PYROXD1: variants seen among roughly 807,000 people sequenced by gnomAD.
The protein encoded by PYROXD1 is tRNA ligase complex-associated NAD(P)H dehydrogenase PYROXD1.
In PYROXD1, 42 loss-of-function variants were observed where a neutral mutation model predicts 62.0. The ratio of observed to expected loss-of-function variants is 0.68; its 90% CI spans 0.53 to 0.88. The LOEUF (loss-of-function observed/expected upper bound fraction) is 0.88. Ranked by LOEUF, PYROXD1 falls within the 40% of genes least tolerant of loss-of-function variation. The probability of loss-of-function intolerance (pLI) is 0.00; values close to 1 mark genes in which losing one functional copy is unlikely to be tolerated. For missense variants in PYROXD1, 493 were observed against 604.8 expected (o/e 0.82, Z 1.94); for synonymous variants, 170 against 206.4 (o/e 0.82, Z 1.51).
In PYROXD1 at chr12:21,468,690, A is replaced by AG. The variant is rs774065871; in HGVS notation, c.1439_1440insG (p.Asn480LysfsTer15). On this transcript the variant is annotated frameshift_variant, in exon 12 of 12. Coordinates refer to ENST00000240651, the MANE Select transcript of PYROXD1 (RefSeq NM_024854.5). LOFTEE classifies it high-confidence loss of function. ...GAAAACCTAATCTTAAACCAAATGA[A>AG]TCTTTCATCATATGGAGAAGATCTG... is the stretch of plus-strand genomic sequence containing the variant. 1.2e-6 allele frequency: 2 copies of AG among 1,611,020 alleles called. No individual in the cohort carries two copies. Among genetic ancestry groups the AG allele is most frequent in the African/African-American group, 2.7e-5 (2 of 74,838 alleles).
In PYROXD1 at chr12:21,456,059, T is replaced by C. The variant is rs201039677; in HGVS notation, c.714T>C (p.Asp238=). ...ATGTAGGAAGTGCATTGGGACCAGA[T>C]TGGCATGAAGGCTTGAATCTTAAAG... ...ADNVGSALGP[D]WHEGLNLKGT... The change falls in exon 7 of 12, where the codon GAT becomes GAC. Residue 238 remains aspartate (D), a synonymous_variant. Coordinates refer to ENST00000240651, the MANE Select transcript of PYROXD1 (RefSeq NM_024854.5). The C allele has an allele frequency of 8.1e-6, 13 of 1,611,392 alleles. No individual in the cohort carries two copies. The highest frequency in any genetic ancestry group is 6.7e-5 in the East Asian group (3 of 44,770).
rs74067186 is a variant in PYROXD1, at chr12:21,460,238, A to G, written c.751-787A>G. Among the ~76,000 whole-genome samples the G allele has an allele frequency of 8.0e-3, 1,205 of 150,606 alleles. 16 individuals carry two copies. The highest frequency in any genetic ancestry group is 0.024 in the African/African-American group (993 of 40,988). On this transcript the variant is annotated intron_variant, in intron 7 of 11. Coordinates refer to ENST00000240651, the MANE Select transcript of PYROXD1 (RefSeq NM_024854.5). ...TCTTGCACCTTCAGATCCTAATATT[A>G]TATTTTTAACCTGAGAACTTCAACA... is the stretch of plus-strand genomic sequence containing the variant.
intron 5 of PYROXD1, among the ~76,000 whole-genome samples, 164 bp downstream of exon 5, chr12:21,452,318 G>C (rs1362804042): frequency 6.6e-6 from 1 of 151,888 alleles, no homozygotes; most frequent in Admixed American, 6.6e-5. Flanking sequence ...TTTTCAAGGG[G>C]AAAAATCCAC....
chr12:21,455,573 G>A (rs897864318), intron 6 of PYROXD1, among the ~76,000 whole-genome samples: 1 of 151,294 alleles, frequency 6.6e-6, no homozygotes, highest in African/African-American at 2.4e-5. Context: ...AAGAAGTTTT[G>A]TAAAAAATGC....
At chr12:21,454,667 T>C (rs1391735310) in intron 5 of PYROXD1, 1 of 151,996 alleles carries the variant, frequency 6.6e-6, no homozygotes, top group African/African-American at 2.4e-5. Flanking sequence ...CCATTTTCTA[T>C]CCCTTTCCGT....
In PYROXD1 at chr12:21,455,251, A is replaced by G. The variant is rs113567035; in HGVS notation, c.608A>G (p.Glu203Gly). The change falls in exon 6 of 12, where the codon GAG becomes GGG. Residue 203 changes from glutamate (E) to glycine (G), a missense_variant. By Grantham distance (98) the Glu-to-Gly change is moderately conservative. Transcript: ENST00000240651. Reference protein sequence around the residue: ...LTSKLIAEKSEAKIAHKRTRY... With the variant: ...LTSKLIAEKSGAKIAHKRTRY... ...TCAAAGCTCATTGCTGAAAAATCAG[A>G]GGCTAAAATTGCACATAAAAGAACC... is the stretch of plus-strand genomic sequence containing the variant. The G allele has an allele frequency of 2.2e-4, 346 of 1,573,126 alleles. 3 individuals carry two copies. In the African/African-American group the frequency reaches 3.8e-3, roughly 17 times the overall value.
At chr12:21,441,888 TC>T (rs1474629557) in intron 2 of PYROXD1, among the ~76,000 whole-genome samples, 1 of 152,196 alleles carries the variant, frequency 6.6e-6, no homozygotes, top group East Asian at 1.9e-4. Flanking sequence ...GGAAAGACCT[TC>T]CCCTATGGGG....
chr12:21,459,768 G>A (rs1942660918), intron 7 of PYROXD1, among the ~76,000 whole-genome samples: 1 of 152,192 alleles, frequency 6.6e-6, no homozygotes, highest in Admixed American at 6.5e-5. Flanking sequence ...ACACACATTT[G>A]GTCACAGAAG....
chr12:21,444,952 GTTTT>G (rs1942359068), intron 2 of PYROXD1, among the ~76,000 whole-genome samples: 2 of 152,218 alleles, frequency 1.3e-5, no homozygotes, highest in African/African-American at 2.4e-5. Context: ...AATACTGATG[GTTTT>G]ATAGAACAGG....
intron 4 of PYROXD1, among the ~76,000 whole-genome samples, chr12:21,451,280 T>C (rs1279825479): frequency 1.3e-5 from 2 of 151,830 alleles, no homozygotes; most frequent in East Asian, 3.9e-4. Flanking sequence ...CTAGGGTACA[T>C]GTGCACCAAG....
rs190063428 is a variant in PYROXD1 at position 21,439,483 on chromosome 12, G to T, written c.85-885G>T. 3.1e-3 allele frequency among the ~76,000 whole-genome samples: 477 copies of T among 152,246 alleles called. 4 individuals carry two copies. The highest frequency in any genetic ancestry group is 0.011 in the African/African-American group (458 of 41,544). ...AAAATGAGACTGAGAAGAATCGCAT[G>T]GGTGTTGGGCACGATAGCTCACACT... is the stretch of plus-strand genomic sequence containing the variant. On this transcript the variant is annotated intron_variant, in intron 1 of 11. Transcript: ENST00000240651.
At chr12:21,453,709 T>C (rs890503035) in intron 5 of PYROXD1, among the ~76,000 whole-genome samples, 4 of 151,980 alleles carry the variant, frequency 2.6e-5, no homozygotes, top group Non-Finnish European at 5.9e-5. Flanking sequence ...GATTAGAAGG[T>C]GTCCTAGGAG....
chr12:21,450,998 G>A (rs755874877), intron 4 of PYROXD1, among the ~76,000 whole-genome samples: 7 of 152,160 alleles, frequency 4.6e-5, no homozygotes, highest in Non-Finnish European at 7.4e-5. Flanking sequence ...TAGGTCCAGT[G>A]CTCTTGCAGA....
chr12:21,462,771 T>C lies in PYROXD1; in HGVS notation c.1025T>C (p.Val342Ala), dbSNP rs768282363. Residue 342 changes from valine to alanine, a missense_variant, in exon 10 of 12, where the codon GTG becomes GCG. By Grantham distance (64) the Val-to-Ala change is moderately conservative (BLOSUM62 0). Coordinates refer to ENST00000240651, the MANE Select transcript of PYROXD1 (RefSeq NM_024854.5). ...CTAGGAGAAGATGGTGGCCTGAAAG[T>C]GGATGATCATATGCACACATCCCTT... ...FDLGEDGGLK[V>A]DDHMHTSLPD... 1.8e-5 allele frequency: 29 copies of C among 1,613,860 alleles called. No homozygotes were observed. The highest frequency in any genetic ancestry group is 2.5e-5 in the Non-Finnish European group (29 of 1,179,898).
intron 7 of PYROXD1, among the ~76,000 whole-genome samples, chr12:21,456,524 A>G (rs1249986995): frequency 1.3e-5 from 2 of 152,236 alleles, no homozygotes; most frequent in African/African-American, 4.8e-5. Context: ...AATGCACATA[A>G]CGTTAATTTA....
intron 5 of PYROXD1, chr12:21,454,854 A>T (rs1942566711): frequency 9.6e-6 from 2 of 208,618 alleles, no homozygotes; most frequent in Admixed American, 1.2e-4. Flanking sequence ...AACATTTTCT[A>T]ATGATGTACA....
Position 21,469,117 on chromosome 12 carries a change from A to C in PYROXD1, c.*363A>C, listed in dbSNP as rs13266. 9,227 of 169,046 alleles carry C rather than the reference A, an allele frequency of 0.055. 462 individuals are homozygous for C. Among genetic ancestry groups the C allele is most frequent in the East Asian group, 0.29 (1,727 of 6,008 alleles). 10.5% of individuals were successfully genotyped at this position (169,046 alleles called of 1,614,324 possible). A position where few individuals can be genotyped will look rare whatever the true frequency, so the allele number is the denominator to read the frequency against. On this transcript the variant is annotated 3_prime_UTR_variant, in exon 12 of 12. Coordinates refer to ENST00000240651, the MANE Select transcript of PYROXD1 (RefSeq NM_024854.5). ...TAGAACCATTCTTTGTGAAATGTCA[A>C]AATATGGCTATGGTTTCAGGAACTT...
chr12:21,457,086 G>T, intron 7 of PYROXD1: 1 of 281,954 alleles, frequency 3.5e-6, no homozygotes, highest in Non-Finnish European at 7.0e-6. Context: ...CATCCATGAA[G>T]GTTGGAGTAA....
chr12:21,464,840 C>T (rs1422383199), intron 10 of PYROXD1, among the ~76,000 whole-genome samples: 1 of 151,954 alleles, frequency 6.6e-6, no homozygotes, highest in Non-Finnish European at 1.5e-5. Flanking sequence ...CCACAAGAGT[C>T]CCCGGTGTGT....
Sources: allele counts gnomAD v4.1 joint callset (sites outside exome capture counted in the v4.1 genomes callset), GRCh38; gene constraint gnomAD v4.1.1; transcripts MANE v1.5; gene names NCBI Gene and HGNC (gene_info 2026-07-23, HGNC 2026-07-21).